COL6A6: variants seen among roughly 807,000 people sequenced by gnomAD.
COL6A6 encodes collagen type VI alpha 6 chain, also known as collagen alpha-6(VI) chain.
Under a neutral mutation model 208.6 loss-of-function variants are expected in COL6A6, and 183 were observed. That is an observed-to-expected ratio of 0.88 (90% confidence interval 0.78 to 0.99). COL6A6 has a LOEUF of 0.99. COL6A6 is among the 50% of genes least tolerant of loss of function. The pLI is 0.00. For missense variants in COL6A6, 2,816 were observed against 2,815.2 expected, an observed-to-expected ratio of 1.00 and a Z score of -0.01; for synonymous variants, 973 against 1,011.8, an observed-to-expected ratio of 0.96 and a Z score of 0.73.
intron 35 of COL6A6, among the ~76,000 whole-genome samples, chr3:130,663,100 G>A (rs2065978813): frequency 1.3e-5 from 2 of 152,214 alleles, no homozygotes; most frequent in South Asian, 2.1e-4. Flanking sequence ...AGTACCCGGT[G>A]TGGTTCAACT....
intron 1 of COL6A6, among the ~76,000 whole-genome samples, chr3:130,556,286 A>G (rs1486404021): frequency 6.6e-6 from 1 of 152,210 alleles, no homozygotes; most frequent in Non-Finnish European, 1.5e-5. Context: ...CATGAGTGAA[A>G]TGGGCCTTTA....
chr3:130,568,788 C>T (rs1471937287), intron 6 of COL6A6, among the ~76,000 whole-genome samples, 184 bp downstream of exon 6: 2 of 152,312 alleles, frequency 1.3e-5, no homozygotes, highest in Admixed American at 6.5e-5. Context: ...TTACCTAGAC[C>T]CATTCCCATT....
At position 130,571,302 on chromosome 3, in the gene COL6A6, A is replaced by G. The variant is rs1480420232; in HGVS notation, c.2886A>G (p.Ser962=). 6.2e-7 allele frequency: 1 copy of G among 1,613,990 alleles called. No individual in the cohort carries two copies. The highest frequency in any genetic ancestry group is 1.1e-5 in the South Asian group (1 of 91,064). ...NPVELLAMAG[S]SDKYFFVETF... ...TGGAGCTGTTAGCCATGGCAGGATC[A>G]AGCGACAAGTACTTCTTCGTGGAGA... The change falls in exon 7 of 37, where the codon TCA becomes TCG. Residue 962 remains serine, a synonymous_variant. Coordinates refer to ENST00000358511, the MANE Select transcript of COL6A6 (RefSeq NM_001102608.3).
At chr3:130,647,763 G>A (rs1326875503) in intron 32 of COL6A6, among the ~76,000 whole-genome samples, 1 of 152,218 alleles carries the variant, frequency 6.6e-6, no homozygotes, top group Non-Finnish European at 1.5e-5. Context: ...GATGGTCTTT[G>A]CTGTGTTTAT....
intron 23 of COL6A6, among the ~76,000 whole-genome samples, chr3:130,617,077 A>G (rs959553790): frequency 8.5e-5 from 13 of 152,186 alleles, no homozygotes; most frequent in South Asian, 2.1e-4. Flanking sequence ...AAGAAAGGCC[A>G]TGATAGTAAT....
intron 26 of COL6A6, among the ~76,000 whole-genome samples, chr3:130,627,809 G>T (rs935691250): frequency 2.0e-5 from 3 of 152,210 alleles, no homozygotes; most frequent in African/African-American, 7.2e-5. Context: ...TATATCAGAA[G>T]AGTAATTTGA....
In COL6A6 at chr3:130,567,030, T is replaced by C; in HGVS notation, c.1611T>C (p.Val537=). The stretch of plus-strand genomic sequence containing the variant: ...CAAAGAAGCAGCGAGGAAACAAAGT[T>C]CCATGCCACCTTGTTGTCCTGACAA... ...QKAKKQRGNK[V]PCHLVVLTNG... is the part of the protein sequence containing the mutation. The change falls in exon 5 of 37, where the codon GTT becomes GTC. Residue 537 remains valine, a synonymous_variant. Transcript: ENST00000358511. 2.5e-6 allele frequency: 4 copies of C among 1,614,032 alleles called. No homozygotes were observed. Among genetic ancestry groups the C allele is most frequent in the Non-Finnish European group, 3.4e-6 (4 of 1,179,894 alleles).
At chr3:130,646,094 A>C (rs1391964149) in intron 32 of COL6A6, among the ~76,000 whole-genome samples, 2 of 152,208 alleles carry the variant, frequency 1.3e-5, no homozygotes, top group Non-Finnish European at 2.9e-5. Context: ...TGCTATTTGA[A>C]AGAGATAACC....
chr3:130,574,511 C>T lies in COL6A6; in HGVS notation c.3533C>T (p.Thr1178Ile). 1 of 1,613,460 alleles carries T rather than the reference C, an allele frequency of 6.2e-7. No individual in the cohort carries two copies. The highest frequency in any genetic ancestry group is 8.5e-7 in the Non-Finnish European group (1 of 1,179,506). The change falls in exon 8 of 37, where the codon ACA becomes ATA. Residue 1178 changes from threonine (T) to isoleucine (I), a missense_variant. Transcript: ENST00000358511. ...NKRIVRNICT[T>I]AGESNCFVDV... ...AGGATCGTTCGCAACATCTGTACCA[C>T]AGCGGGTGAAAGCAGTAAGTATTTA...
chr3:130,569,581 G>A (rs1014735935), intron 6 of COL6A6, among the ~76,000 whole-genome samples: 1 of 152,190 alleles, frequency 6.6e-6, no homozygotes, highest in Non-Finnish European at 1.5e-5. Flanking sequence ...ACTCCCACTG[G>A]AAGGTTTGGT....
At chr3:130,537,922 G>A (rs960567423) in intron 1 of COL6A6, among the ~76,000 whole-genome samples, 4 of 152,234 alleles carry the variant, frequency 2.6e-5, no homozygotes, top group African/African-American at 9.7e-5. Context: ...GGGATTAGCT[G>A]TCAATGGCAG....
intron 23 of COL6A6, among the ~76,000 whole-genome samples, chr3:130,618,430 C>T (rs2064602924): frequency 6.6e-6 from 1 of 152,178 alleles, no homozygotes; most frequent in South Asian, 2.1e-4. Context: ...TACATCAAAG[C>T]CAAAGAAGAT....
At chr3:130,543,838 C>T (rs1027816821) in intron 1 of COL6A6, among the ~76,000 whole-genome samples, 1 of 151,944 alleles carries the variant, frequency 6.6e-6, no homozygotes, top group Non-Finnish European at 1.5e-5. Flanking sequence ...AATTTTTCTT[C>T]TAAGTTTATT....
chr3:130,589,147 G>A lies in COL6A6; in HGVS notation c.4183G>A (p.Gly1395Ser). Residue 1395 changes from glycine (G) to serine (S), a missense_variant, in exon 12 of 37, where the codon GGC becomes AGC. By Grantham distance (56) the Gly-to-Ser change is moderately conservative. Coordinates refer to ENST00000358511, the MANE Select transcript of COL6A6 (RefSeq NM_001102608.3). ...CLFCKCIGGD[G>S]TMGDPGPPGK... ...GTTCTGCAAGTGCATTGGAGGAGAT[G>A]GCACAATGGGAGATCCTGGACCACC... 6.2e-7 allele frequency: 1 copy of A among 1,613,866 alleles called. No homozygotes were observed. The highest frequency in any genetic ancestry group is 8.5e-7 in the Non-Finnish European group (1 of 1,179,804).
intron 32 of COL6A6, 26 bp downstream of exon 32, chr3:130,645,028 C>A: frequency 6.2e-7 from 1 of 1,606,040 alleles, no homozygotes; most frequent in Non-Finnish European, 8.5e-7. Context: ...TTACAGCATG[C>A]TTTAATCAAG....
intron 32 of COL6A6, among the ~76,000 whole-genome samples, 191 bp downstream of exon 32, chr3:130,645,193 T>A (rs1181233640): frequency 6.6e-6 from 1 of 151,934 alleles, no homozygotes; most frequent in African/African-American, 2.4e-5. Flanking sequence ...GCTTCACAGC[T>A]ATTTCTCAAC....
intron 13 of COL6A6, among the ~76,000 whole-genome samples, chr3:130,591,345 A>G (rs1278230720): frequency 6.6e-6 from 1 of 152,190 alleles, no homozygotes; most frequent in Non-Finnish European, 1.5e-5. Context: ...CTCCTTCACT[A>G]GGGGAGTTGA....
At chr3:130,648,988 A>G in intron 32 of COL6A6, 81 bp from the exon 33 acceptor site, 1 of 1,194,444 alleles carries the variant, frequency 8.4e-7, no homozygotes, top group Non-Finnish European at 1.1e-6. Context: ...AATGCTTAAC[A>G]TTTAAAATTA....
chr3:130,674,864 G>C (rs2066320306), intron 36 of COL6A6, among the ~76,000 whole-genome samples: 1 of 152,116 alleles, frequency 6.6e-6, no homozygotes, highest in South Asian at 2.1e-4. Context: ...GAGTGGATCT[G>C]GGAAAACTAT....
Sources: gnomAD v4.1 joint callset for allele counts (sites outside exome capture counted in the v4.1 genomes callset) on GRCh38, gnomAD v4.1.1 for gene constraint, MANE v1.5 for transcripts, NCBI Gene and HGNC (gene_info 2026-07-23, HGNC 2026-07-21) for gene names.